Variants in FBXW11 observed in about 807,000 individuals in gnomAD.
FBXW11 encodes the protein F-box and WD repeat domain containing 11.
Under a neutral mutation model 77.6 loss-of-function variants are expected in FBXW11, and 19 were observed. That is an observed-to-expected ratio of 0.24 (90% confidence interval 0.17 to 0.36). FBXW11 has a LOEUF of 0.36. Ranked by LOEUF, FBXW11 falls within the 10% of genes least tolerant of loss-of-function variation. FBXW11 has a pLI of 1.00. For synonymous variants in FBXW11, 235 were observed against 249.4 expected, an observed-to-expected ratio of 0.94 and a Z score of 0.54; for missense variants, 334 against 704.2, an observed-to-expected ratio of 0.47 and a Z score of 5.95.
chr5:171,880,496 T>C (rs150644289), intron 7 of FBXW11, among the ~76,000 whole-genome samples: 97 of 152,334 alleles, frequency 6.4e-4, no homozygotes, highest in Admixed American at 1.7e-3. Flanking sequence ...TGAGACTGCA[T>C]TGAACCTACA....
At chr5:171,864,796 C>A (rs1211921184) in intron 13 of FBXW11, among the ~76,000 whole-genome samples, 1 of 151,916 alleles carries the variant, frequency 6.6e-6, no homozygotes, top group Non-Finnish European at 1.5e-5. Context: ...CACAAAAAAA[C>A]AATATTCATG....
intron 1 of FBXW11, among the ~76,000 whole-genome samples, chr5:171,984,402 C>G (rs1479765491): frequency 6.6e-6 from 1 of 152,210 alleles, no homozygotes; most frequent in Non-Finnish European, 1.5e-5. Context: ...ACACAGTAGC[C>G]AGGCATGGCT....
intron 1 of FBXW11, among the ~76,000 whole-genome samples, chr5:172,001,179 T>C (rs1021430903): frequency 6.6e-6 from 1 of 152,156 alleles, no homozygotes; most frequent in Non-Finnish European, 1.5e-5. Context: ...TTTCACTGCA[T>C]GAAAGAAAGA....
At chr5:171,972,502 TAAAAAAAAAAA>T (rs70982360) in intron 1 of FBXW11, among the ~76,000 whole-genome samples, 4 of 48,218 alleles carry the variant, frequency 8.3e-5, no homozygotes, top group African/African-American at 2.0e-4. Context: ...CTCTGTCTCA[TAAAAAAAAAAA>T]AAAAAAAAAA....
At chr5:171,897,138 C>T (rs1309237579) in intron 6 of FBXW11, among the ~76,000 whole-genome samples, 1 of 152,144 alleles carries the variant, frequency 6.6e-6, no homozygotes, top group African/African-American at 2.4e-5. Context: ...AAGGTTTCCT[C>T]AAATTTAAAT....
chr5:171,976,728 C>T (rs1764846340), intron 1 of FBXW11, among the ~76,000 whole-genome samples: 2 of 152,048 alleles, frequency 1.3e-5, no homozygotes, highest in South Asian at 2.1e-4. Flanking sequence ...CCTTGGACTT[C>T]CCAGCCTCCA....
rs547940454 is a variant in FBXW11 at position 171,988,036 on chromosome 5, G to A, written c.45+18422C>T. ...CTCAATTTGATGGGGCCATGATACC[G>A]ACAAGGTCCCTTAGATTTGGAAAAT... On this transcript the variant is annotated intron_variant, in intron 1 of 13. Transcript: ENST00000517395. 5.9e-5 allele frequency among the ~76,000 whole-genome samples: 9 copies of A among 152,240 alleles called. No individual in the cohort carries two copies. The East Asian group carries it at 1.4e-3, about 23-fold the overall frequency.
chr5:171,902,740 T>C (rs1364505053), intron 4 of FBXW11, among the ~76,000 whole-genome samples: 4 of 152,232 alleles, frequency 2.6e-5, no homozygotes, highest in Admixed American at 1.3e-4. Flanking sequence ...CACAATGTTC[T>C]ACAATTTGAA....
intron 1 of FBXW11, among the ~76,000 whole-genome samples, chr5:171,983,276 G>T (rs571100931): frequency 2.0e-5 from 3 of 151,970 alleles, no homozygotes; most frequent in Non-Finnish European, 4.4e-5. Flanking sequence ...CTCACAGAGG[G>T]CATGGAAGCT....
intron 1 of FBXW11, among the ~76,000 whole-genome samples, chr5:171,968,427 A>G (rs1764342366): frequency 6.7e-6 from 1 of 149,422 alleles, no homozygotes; most frequent in African/African-American, 2.5e-5. Flanking sequence ...ATTGCACTCC[A>G]GCCTGGGCGA....
intron 4 of FBXW11, among the ~76,000 whole-genome samples, chr5:171,908,482 T>TA (rs1561672124): frequency 1.3e-5 from 2 of 151,062 alleles, no homozygotes; most frequent in Non-Finnish European, 3.0e-5. Context: ...CTTGGCTTCC[T>TA]AATCTACACA....
intron 4 of FBXW11, among the ~76,000 whole-genome samples, chr5:171,900,900 G>A (rs929714018): frequency 6.6e-6 from 1 of 152,134 alleles, no homozygotes; most frequent in African/African-American, 2.4e-5. Flanking sequence ...TTCACAATGG[G>A]AAGATGATCA....
chr5:171,981,366 C>G (rs1036871462), intron 1 of FBXW11, among the ~76,000 whole-genome samples: 1 of 152,122 alleles, frequency 6.6e-6, no homozygotes, highest in African/African-American at 2.4e-5. Flanking sequence ...AAGTATTTCC[C>G]TGAGTTCTGT....
intron 2 of FBXW11, among the ~76,000 whole-genome samples, chr5:171,948,162 G>A (rs1300726458): frequency 1.3e-5 from 2 of 149,302 alleles, no homozygotes; most frequent in Admixed American, 1.3e-4. Flanking sequence ...TTGAATCCGG[G>A]AGGCAGAGGT....
chr5:171,914,867 G>C (rs1401303881), intron 2 of FBXW11, among the ~76,000 whole-genome samples: 2 of 151,942 alleles, frequency 1.3e-5, no homozygotes, highest in Admixed American at 6.5e-5. Context: ...TTCCTCCCCT[G>C]ATAGCCTTGT....
chr5:171,883,441 T>C (rs1289094055), intron 7 of FBXW11, among the ~76,000 whole-genome samples: 1 of 152,192 alleles, frequency 6.6e-6, no homozygotes, highest in East Asian at 1.9e-4. Context: ...GACGAGTTAA[T>C]GGGTGCAGCA....
intron 13 of FBXW11, among the ~76,000 whole-genome samples, chr5:171,864,788 C>A (rs10053976): frequency 0.026 from 3,952 of 151,656 alleles, 182 homozygotes; most frequent in African/African-American, 0.089. Context: ...CACACACACA[C>A]AAAAAAACAA....
At chr5:171,930,950 T>C (rs1762162311) in intron 2 of FBXW11, among the ~76,000 whole-genome samples, 1 of 151,966 alleles carries the variant, frequency 6.6e-6, no homozygotes, top group Non-Finnish European at 1.5e-5. Flanking sequence ...CCTATAGATA[T>C]AATTAGGTAT....
At chr5:171,978,397 A>G (rs1020314722) in intron 1 of FBXW11, among the ~76,000 whole-genome samples, 7 of 152,244 alleles carry the variant, frequency 4.6e-5, no homozygotes. Flanking sequence ...TTCTATAAAC[A>G]TAATACAGGA....
Sources: gnomAD v4.1 joint callset for allele counts (sites outside exome capture counted in the v4.1 genomes callset) on GRCh38, gnomAD v4.1.1 for gene constraint, MANE v1.5 for transcripts, NCBI Gene and HGNC (gene_info 2026-07-23, HGNC 2026-07-21) for gene names.